The following SLC2A13 variants were observed in gnomAD, a reference collection of about 807,000 sequenced individuals.
SLC2A13 encodes the protein proton myo-inositol cotransporter.
In SLC2A13, 32 loss-of-function variants were observed where a neutral mutation model predicts 64.4. That is an observed-to-expected ratio of 0.50 (90% CI 0.37 to 0.67). The LOEUF is 0.67. Ranked by LOEUF, SLC2A13 falls within the 30% of genes least tolerant of loss-of-function variation. The pLI is 0.00. For missense variants in SLC2A13, 743 were observed against 829.2 expected (o/e 0.90, Z 1.28); for synonymous variants, 338 against 327.1 (o/e 1.03, Z -0.36).
chr12:40,055,667 T>C (rs1168390867), intron 1 of SLC2A13, among the ~76,000 whole-genome samples: 1 of 152,118 alleles, frequency 6.6e-6, no homozygotes. Flanking sequence ...TTTTAACTGA[T>C]TGGTTTCCCT....
chr12:39,993,318 T>G (rs10506141), intron 3 of SLC2A13, among the ~76,000 whole-genome samples: 18,707 of 152,252 alleles, frequency 0.12, 1,227 homozygotes, highest in East Asian at 0.19. Flanking sequence ...TAATCTTTTA[T>G]GGCAATCCTA....
At chr12:39,825,861 G>T (rs1003348051) in intron 7 of SLC2A13, among the ~76,000 whole-genome samples, 1 of 151,888 alleles carries the variant, frequency 6.6e-6, no homozygotes, top group Admixed American at 6.6e-5. Flanking sequence ...AACCTCTTGT[G>T]GATCTGTTTA....
chr12:39,960,403 T>C (rs937327461), intron 3 of SLC2A13, among the ~76,000 whole-genome samples: 1 of 152,198 alleles, frequency 6.6e-6, no homozygotes, highest in African/African-American at 2.4e-5. Flanking sequence ...TTCTTGGAGA[T>C]GAAGACTCGT....
intron 4 of SLC2A13, among the ~76,000 whole-genome samples, chr12:39,933,993 C>T (rs1945877105): frequency 6.6e-6 from 1 of 152,154 alleles, no homozygotes; most frequent in Non-Finnish European, 1.5e-5. Flanking sequence ...GCTTCTATGA[C>T]TTAGTCACAT....
intron 1 of SLC2A13, among the ~76,000 whole-genome samples, chr12:40,086,411 A>G (rs1393853300): frequency 6.6e-6 from 1 of 152,218 alleles, no homozygotes; most frequent in Non-Finnish European, 1.5e-5. Context: ...CTTTTCCTTT[A>G]GTGCCACTTG....
intron 7 of SLC2A13, among the ~76,000 whole-genome samples, chr12:39,823,065 T>G (rs906053696): frequency 2.0e-5 from 3 of 152,190 alleles, no homozygotes; most frequent in Non-Finnish European, 4.4e-5. Context: ...AGGCATGTGA[T>G]CTCTGAAATT....
intron 4 of SLC2A13, among the ~76,000 whole-genome samples, chr12:39,908,980 A>G (rs141107434): frequency 1.3e-5 from 2 of 151,066 alleles, no homozygotes; most frequent in South Asian, 2.1e-4. Flanking sequence ...AAAATTAATA[A>G]GCATAAAGAA....
chr12:39,799,432 C>A (rs1378146983), intron 7 of SLC2A13, among the ~76,000 whole-genome samples: 2 of 126,390 alleles, frequency 1.6e-5, no homozygotes, highest in South Asian at 5.4e-4. Flanking sequence ...TAATCTCAAC[C>A]ATTAGGATCC....
chr12:39,862,665 T>C (rs1212177866), intron 6 of SLC2A13, among the ~76,000 whole-genome samples: 10 of 152,220 alleles, frequency 6.6e-5, no homozygotes, highest in Admixed American at 5.9e-4. Context: ...GTGATTCTTT[T>C]CCTGTTTGTC....
At chr12:39,797,844 T>C (rs541038350) in intron 7 of SLC2A13, among the ~76,000 whole-genome samples, 61 of 151,354 alleles carry the variant, frequency 4.0e-4, no homozygotes, top group Non-Finnish European at 7.8e-4. Context: ...AACATAAAAG[T>C]TATTGTTTTA....
At chr12:39,837,579 A>C (rs1224807323) in intron 6 of SLC2A13, among the ~76,000 whole-genome samples, 1 of 146,388 alleles carries the variant, frequency 6.8e-6, no homozygotes, top group Non-Finnish European at 1.5e-5. Flanking sequence ...GAAAATTTTC[A>C]CAACCTACTC....
At chr12:40,012,550 A>G (rs890001459) in intron 3 of SLC2A13, among the ~76,000 whole-genome samples, 1 of 152,198 alleles carries the variant, frequency 6.6e-6, no homozygotes, top group East Asian at 1.9e-4. Context: ...ATATTTTTCT[A>G]TCGCATGGAT....
intron 4 of SLC2A13, among the ~76,000 whole-genome samples, chr12:39,894,656 T>C (rs1009180884): frequency 6.6e-6 from 1 of 152,224 alleles, no homozygotes; most frequent in Admixed American, 6.5e-5. Context: ...CTAATGTATA[T>C]CTTTTTTAGG....
Position 39,823,264 on chromosome 12 carries a change from C to T in SLC2A13, c.1445+6839G>A, listed in dbSNP as rs147282537. ...TAAAATTTATGTTGGTAAAAATTAA[C>T]TTTGAGCTACATTGTTATTAATTTA... On this transcript the variant is annotated intron_variant, in intron 7 of 9. Transcript: ENST00000280871. Among the ~76,000 whole-genome samples the T allele has an allele frequency of 6.1e-3, 930 of 152,198 alleles. 10 individuals are homozygous for T. The highest frequency in any genetic ancestry group is 0.021 in the African/African-American group (882 of 41,526).
At chr12:39,896,076 AC>A (rs1254987901) in intron 4 of SLC2A13, among the ~76,000 whole-genome samples, 1 of 15,212 alleles carries the variant, frequency 6.6e-5, no homozygotes, top group African/African-American at 1.9e-4. Flanking sequence ...ATATGTATAC[AC>A]GTGTACATAT....
At chr12:40,064,900 AAATT>A (rs1245363385) in intron 1 of SLC2A13, among the ~76,000 whole-genome samples, 1 of 152,180 alleles carries the variant, frequency 6.6e-6, no homozygotes, top group Non-Finnish European at 1.5e-5. Context: ...TTTCAAAGAA[AAATT>A]ATTTTTTCTT....
chr12:39,818,514 A>G (rs1370858636), intron 7 of SLC2A13, among the ~76,000 whole-genome samples: 2 of 152,198 alleles, frequency 1.3e-5, no homozygotes, highest in Admixed American at 6.5e-5. Context: ...CTCTAACTTT[A>G]TAAGTAGCTA....
intron 1 of SLC2A13, among the ~76,000 whole-genome samples, chr12:40,092,370 C>T (rs1938796979): frequency 6.6e-6 from 1 of 152,146 alleles, no homozygotes; most frequent in Non-Finnish European, 1.5e-5. Context: ...ACTCCATTTG[C>T]TATGAAGAGT....
chr12:39,901,332 T>C (rs1945100395), intron 4 of SLC2A13, among the ~76,000 whole-genome samples: 1 of 151,704 alleles, frequency 6.6e-6, no homozygotes, highest in Admixed American at 6.6e-5. Flanking sequence ...AAAGCCAAAA[T>C]TGACAAATGG....
Sources: gnomAD v4.1 joint callset for allele counts (sites outside exome capture counted in the v4.1 genomes callset) on GRCh38, gnomAD v4.1.1 for gene constraint, MANE v1.5 for transcripts, NCBI Gene and HGNC (gene_info 2026-07-23, HGNC 2026-07-21) for gene names.